OR5B2: variants seen among roughly 807,000 people sequenced by gnomAD.
The protein encoded by OR5B2 is olfactory receptor family 5 subfamily B member 2.
For synonymous variants in OR5B2, 163 were observed against 140.8 expected (o/e 1.16, Z -1.11); for missense variants, 411 against 367.0 (o/e 1.12, Z -0.98).
At position 58,422,903 on chromosome 11, in the gene OR5B2, C is replaced by T. The variant is rs367965186; in HGVS notation, c.359G>A (p.Arg120His). 77 of 1,613,724 alleles carry T rather than the reference C, an allele frequency of 4.8e-5. No individual in the cohort carries two copies. Among genetic ancestry groups the T allele is most frequent in the Middle Eastern group, 3.3e-4 (2 of 6,058 alleles). The change falls in exon 3 of 3, where the codon CGC (arginine) becomes CAC (histidine). Residue 120 changes from arginine (R) to histidine (H), a missense_variant. Arg to His is a conservative substitution (Grantham distance 29, BLOSUM62 0). Transcript: ENST00000641342. ...TAGGGGTTTGCACACTGCTGCATAG[C>T]GGTCATAGGCCATTGAGGCCAACAA... Reference protein sequence around the residue: ...NYLLASMAYDRYAAVCKPLHY... With the variant: ...NYLLASMAYDHYAAVCKPLHY...
At position 58,422,388 on chromosome 11, in the gene OR5B2, T is replaced by C; in HGVS notation, c.874A>G (p.Asn292Asp). ...TTGAATGCATTCTGGACTTCTCTGT[T>C]CCTCAGGCTGTAGACCACAGGGTTC... The part of the protein sequence containing the change: ...MLNPVVYSLR[N>D]REVQNAFKKV... Residue 292 changes from asparagine to aspartate, a missense_variant, in exon 3 of 3, where the codon AAC becomes GAC. Asn to Asp is a conservative substitution (Grantham distance 23). Coordinates refer to ENST00000641342, the MANE Select transcript of OR5B2 (RefSeq NM_001005566.3). 5.6e-6 allele frequency: 9 copies of C among 1,613,616 alleles called. No individual in the cohort carries two copies. Among genetic ancestry groups the C allele is most frequent in the Non-Finnish European group, 7.6e-6 (9 of 1,179,752 alleles).
intron 2 of OR5B2, among the ~76,000 whole-genome samples, chr11:58,425,407 T>C (rs1397008378): frequency 3.9e-5 from 6 of 152,084 alleles, no homozygotes; most frequent in Non-Finnish European, 7.4e-5. Flanking sequence ...TGAAATAATA[T>C]AGTATCTATA....
chr11:58,427,205 C>T (rs1044793714), intron 1 of OR5B2, among the ~76,000 whole-genome samples: 10 of 152,122 alleles, frequency 6.6e-5, no homozygotes, highest in African/African-American at 2.4e-4. Context: ...TCTCTCACTC[C>T]AATCATCTAG....
At chr11:58,424,998 A>G (rs570636507) in intron 2 of OR5B2, among the ~76,000 whole-genome samples, 31 of 152,264 alleles carry the variant, frequency 2.0e-4, no homozygotes, top group African/African-American at 7.5e-4. Context: ...GTCAAGATTC[A>G]CAATTGAAAC....
chr11:58,423,368 T>C (rs1855303816), intron 2 of OR5B2, 79 bp from the exon 3 acceptor site: 2 of 610,322 alleles, frequency 3.3e-6, no homozygotes, highest in Non-Finnish European at 5.4e-6. Context: ...ATATGCATTA[T>C]GTAATTATAG....
At chr11:58,425,284 T>C (rs1365342963) in intron 2 of OR5B2, among the ~76,000 whole-genome samples, 4 of 152,070 alleles carry the variant, frequency 2.6e-5, no homozygotes, top group Admixed American at 2.6e-4. Context: ...TTTCATCTTC[T>C]TTAGGGAAGC....
In OR5B2 at chr11:58,422,213, A is replaced by T. The variant is rs1855281821; in HGVS notation, c.*119T>A. 1 of 601,240 alleles carries T rather than the reference A, an allele frequency of 1.7e-6. No individual in the cohort carries two copies. Among genetic ancestry groups the T allele is most frequent in the African/African-American group, 1.8e-5 (1 of 54,076 alleles). The allele number at this position is 601,240 out of a possible 1,614,324, so 37.2% of individuals were successfully genotyped here. ...AAAAATTGACTTCTAAAGAGGTAAG[A>T]ATATCACCTCATGAACTTAAATGTA... is the stretch of plus-strand genomic sequence containing the variant. On this transcript the variant is annotated 3_prime_UTR_variant, in exon 3 of 3. Coordinates refer to ENST00000641342, the MANE Select transcript of OR5B2 (RefSeq NM_001005566.3).
Position 58,422,272 on chromosome 11 carries a change from G to A in OR5B2, c.*60C>T, listed in dbSNP as rs188901758. 772 of 1,023,902 alleles carry A rather than the reference G, an allele frequency of 7.5e-4. 3 individuals carry two copies. The highest frequency in any genetic ancestry group is 1.1e-3 in the Non-Finnish European group (709 of 673,458). 63.4% of individuals were successfully genotyped at this position (1,023,902 alleles called of 1,614,324 possible). ...TTTCAAATGTAACTCATTGCATGAGGAAAGTCTGAGATGAGGGAAACAACA... is the reference window on the plus strand; with the variant it reads ...TTTCAAATGTAACTCATTGCATGAGAAAAGTCTGAGATGAGGGAAACAACA... On this transcript the variant is annotated 3_prime_UTR_variant, in exon 3 of 3. Transcript: ENST00000641342.
chr11:58,427,604 TG>T (rs1271522635), intron 1 of OR5B2, among the ~76,000 whole-genome samples: 3 of 152,184 alleles, frequency 2.0e-5, no homozygotes, highest in Non-Finnish European at 4.4e-5. Flanking sequence ...AGATTCACAC[TG>T]TGAATTTGCA....
At position 58,426,622 on chromosome 11, in the gene OR5B2, C is replaced by G. The variant is rs898552075; in HGVS notation, c.-29G>C. 4.6e-5 allele frequency: 7 copies of G among 152,094 alleles called. No homozygotes were observed. The East Asian group carries it at 1.3e-3, about 29-fold the overall frequency. The allele number at this position is 152,094 out of a possible 1,614,324, so 9.4% of individuals were successfully genotyped here. On this transcript the variant is annotated splice_region_variant and 5_prime_UTR_variant, in exon 2 of 3. Coordinates refer to ENST00000641342, the MANE Select transcript of OR5B2 (RefSeq NM_001005566.3). The stretch of plus-strand genomic sequence containing the variant: ...CCGTAGAACAGAGCTAGAAACTTAC[C>G]TTGCTCTTCAAGGAAGATGACACAC...
At chr11:58,423,965 T>C (rs1282205328) in intron 2 of OR5B2, among the ~76,000 whole-genome samples, 1 of 152,068 alleles carries the variant, frequency 6.6e-6, no homozygotes, top group Non-Finnish European at 1.5e-5. Context: ...GCTGGAGAAG[T>C]AGGGAAATGT....
At chr11:58,425,580 A>T (rs893082846) in intron 2 of OR5B2, among the ~76,000 whole-genome samples, 1 of 152,118 alleles carries the variant, frequency 6.6e-6, no homozygotes. Flanking sequence ...ATTAGAAAAA[A>T]AATATGTCTC....
rs1471310215 is a variant in OR5B2 at position 58,423,002 on chromosome 11, T to A, written c.260A>T (p.Asp87Val). The part of the protein sequence containing the change: ...PKVMAGFLRG[D>V]KVISYNACAV... ...ACATGCATTGTAGGAGATGACCTTG[T>A]CTCCTCTAAGGAACCCAGCCATGAC... Residue 87 changes from aspartate (D) to valine (V), a missense_variant, in exon 3 of 3, where the codon GAC becomes GTC. Coordinates refer to ENST00000641342, the MANE Select transcript of OR5B2 (RefSeq NM_001005566.3). 6.2e-7 allele frequency: 1 copy of A among 1,613,762 alleles called. No homozygotes were observed. Among genetic ancestry groups the A allele is most frequent in the Admixed American group, 1.7e-5 (1 of 59,946 alleles).
chr11:58,424,613 G>T (rs1855317450), intron 2 of OR5B2, among the ~76,000 whole-genome samples: 1 of 152,134 alleles, frequency 6.6e-6, no homozygotes, highest in Middle Eastern at 3.4e-3. Context: ...TTAGTCTGCA[G>T]ATCTGTTTTG....
Position 58,422,611 on chromosome 11 carries a change from C to G in OR5B2, c.651G>C (p.Leu217Phe), listed in dbSNP as rs770464351. ...TCTTCAAGATGGTGATGAATATGAA[C>G]AAGTAGGAGATAAAGATAACTAGAA... ...FVLLVIFISY[L>F]FIFITILKMH... Residue 217 changes from leucine to phenylalanine, a missense_variant, in exon 3 of 3, where the codon TTG (leucine) becomes TTC (phenylalanine). By Grantham distance (22) the Leu-to-Phe change is conservative (BLOSUM62 0). Coordinates refer to ENST00000641342, the MANE Select transcript of OR5B2 (RefSeq NM_001005566.3). 1.2e-6 allele frequency: 2 copies of G among 1,613,594 alleles called. No homozygotes were observed. The highest frequency in any genetic ancestry group is 1.7e-6 in the Non-Finnish European group (2 of 1,179,804).
chr11:58,422,242 TG>T lies in OR5B2; in HGVS notation c.*89del. 1.4e-6 allele frequency: 1 copy of T among 721,928 alleles called. No individual in the cohort carries two copies. The highest frequency in any genetic ancestry group is 2.4e-6 in the Non-Finnish European group (1 of 419,892). 44.7% of individuals were successfully genotyped at this position (721,928 alleles called of 1,614,324 possible). A position where few individuals can be genotyped will look rare whatever the true frequency, so the allele number is the denominator to read the frequency against. ...TCACCTCATGAACTTAAATGTATTG[TG>T]GGGTTTCAAATGTAACTCATTGCAT... On this transcript the variant is annotated 3_prime_UTR_variant, in exon 3 of 3. Transcript: ENST00000641342.
At chr11:58,427,545 A>G (rs1435152259) in intron 1 of OR5B2, among the ~76,000 whole-genome samples, 1 of 152,182 alleles carries the variant, frequency 6.6e-6, no homozygotes, top group Non-Finnish European at 1.5e-5. Context: ...AGCAGAATGG[A>G]TGCTTTGCCA....
intron 2 of OR5B2, among the ~76,000 whole-genome samples, chr11:58,425,120 T>C (rs1004513561): frequency 1.3e-5 from 2 of 152,224 alleles, no homozygotes; most frequent in Admixed American, 6.5e-5. Flanking sequence ...TCTGTATGCA[T>C]CTTGCTAACT....
chr11:58,422,825 G>A lies in OR5B2; in HGVS notation c.437C>T (p.Ser146Leu), dbSNP rs1441689762. Reference sequence around the variant, plus strand: ...GGCATTTAGGAAGCCACAGACATATGAGCCTAGGGCCAGACAGGCACCTAC... The same window carrying A: ...GGCATTTAGGAAGCCACAGACATATAAGCCTAGGGCCAGACAGGCACCTAC... ...ASVGACLALG[S>L]YVCGFLNASF... The change falls in exon 3 of 3, where the codon TCA (serine) becomes TTA (leucine). Residue 146 changes from serine (S) to leucine (L), a missense_variant. By Grantham distance (145) the Ser-to-Leu change is moderately radical. Transcript: ENST00000641342. 4 of 1,613,678 alleles carry A rather than the reference G, an allele frequency of 2.5e-6. No individual in the cohort carries two copies. Among genetic ancestry groups the A allele is most frequent in the African/African-American group, 2.7e-5 (2 of 74,904 alleles).
Sources: gnomAD v4.1 joint callset for allele counts (sites outside exome capture counted in the v4.1 genomes callset) on GRCh38, gnomAD v4.1.1 for gene constraint, MANE v1.5 for transcripts, NCBI Gene and HGNC (gene_info 2026-07-23, HGNC 2026-07-21) for gene names.